The following RBMS3 variants were observed in gnomAD, a reference collection of about 807,000 sequenced individuals.
RBMS3 encodes the protein RNA-binding motif, single-stranded-interacting protein 3.
Under a neutral mutation model 66.8 loss-of-function variants are expected in RBMS3, and 27 were observed. The observed-to-expected ratio is 0.40, with a 90% confidence interval of 0.30 to 0.56. The LOEUF is 0.56. Ranked by LOEUF, RBMS3 falls within the 20% of genes least tolerant of loss-of-function variation. RBMS3 has a pLI of 0.40. For missense variants in RBMS3, 513 were observed against 549.5 expected (o/e 0.93, Z 0.66); for synonymous variants, 188 against 183.0 (o/e 1.03, Z -0.22).
At chr3:29,460,046 T>G (rs2042322148) in intron 2 of RBMS3, among the ~76,000 whole-genome samples, 2 of 152,358 alleles carry the variant, frequency 1.3e-5, no homozygotes, top group South Asian at 4.1e-4. Flanking sequence ...TTTCTTGTAA[T>G]GAATCAAAAT....
At chr3:29,753,130 A>C (rs872761) in intron 5 of RBMS3, among the ~76,000 whole-genome samples, 2 of 152,072 alleles carry the variant, frequency 1.3e-5, no homozygotes, top group South Asian at 4.1e-4. Context: ...AACTTAGCTT[A>C]TGTATTGATT....
At chr3:29,660,363 C>A (rs998570661) in intron 4 of RBMS3, among the ~76,000 whole-genome samples, 3 of 152,170 alleles carry the variant, frequency 2.0e-5, no homozygotes, top group African/African-American at 7.2e-5. Context: ...ACCACCCTTG[C>A]ACTCTTTGGG....
intron 2 of RBMS3, among the ~76,000 whole-genome samples, chr3:29,444,297 T>C (rs1340919354): frequency 6.6e-6 from 1 of 152,066 alleles, no homozygotes; most frequent in Non-Finnish European, 1.5e-5. Context: ...GAAAAACCAA[T>C]GACATGAAGA....
intron 10 of RBMS3, among the ~76,000 whole-genome samples, chr3:29,911,982 G>C (rs2060526485): frequency 1.4e-5 from 2 of 140,714 alleles, no homozygotes; most frequent in Non-Finnish European, 3.1e-5. Context: ...ATACATAATA[G>C]CTAGATAGAT....
chr3:29,908,689 T>C (rs1439538219), intron 10 of RBMS3, among the ~76,000 whole-genome samples: 3 of 152,052 alleles, frequency 2.0e-5, no homozygotes, highest in Admixed American at 6.6e-5. Flanking sequence ...TCTTATAACA[T>C]TGAGAAACTT....
chr3:29,484,418 T>G (rs986071158), intron 2 of RBMS3, among the ~76,000 whole-genome samples: 1 of 152,182 alleles, frequency 6.6e-6, no homozygotes, highest in African/African-American at 2.4e-5. Context: ...CTTCATATGG[T>G]CTTTTTGTGC....
At chr3:29,711,546 A>T (rs1279809034) in intron 4 of RBMS3, among the ~76,000 whole-genome samples, 1 of 152,104 alleles carries the variant, frequency 6.6e-6, no homozygotes, top group Non-Finnish European at 1.5e-5. Flanking sequence ...ACTTGAAGGG[A>T]CATTAGAGAC....
At chr3:29,964,380 T>A (rs1167085221) in intron 12 of RBMS3, among the ~76,000 whole-genome samples, 1 of 152,172 alleles carries the variant, frequency 6.6e-6, no homozygotes, top group Non-Finnish European at 1.5e-5. Context: ...TAGAGTGGTA[T>A]GATAGCAGAA....
At chr3:29,685,377 T>A (rs1420782275) in intron 4 of RBMS3, among the ~76,000 whole-genome samples, 1 of 152,176 alleles carries the variant, frequency 6.6e-6, no homozygotes, top group Non-Finnish European at 1.5e-5. Context: ...ACATTTTTTT[T>A]ATAGAGGGAG....
intron 5 of RBMS3, among the ~76,000 whole-genome samples, chr3:29,743,744 T>A (rs543503736): frequency 1.3e-3 from 200 of 151,326 alleles, no homozygotes; most frequent in Non-Finnish European, 2.4e-3. Context: ...TTTTTTTTTT[T>A]AAATTTTATT....
In RBMS3 at chr3:29,739,729, CA is replaced by C; in HGVS notation, c.411del (p.Asp138ThrfsTer23). ...ACTTTCCTTCCCTTAGCAACAAGAG[CA>C]AGACCCAACAAACCTATACATCTCA... ...VQAQMAKQQE[Q>X]DPTNLYISNL... On this transcript the variant is annotated frameshift_variant, in exon 5 of 15. Transcript: ENST00000383767. LOFTEE classifies it high-confidence loss of function. 1 of 1,600,922 alleles carries C rather than the reference CA, an allele frequency of 6.2e-7. No homozygotes were observed. Among genetic ancestry groups the C allele is most frequent in the Admixed American group, 1.8e-5 (1 of 56,648 alleles).
At chr3:29,573,207 G>A (rs146200800) in intron 3 of RBMS3, among the ~76,000 whole-genome samples, 5,264 of 152,058 alleles carry the variant, frequency 0.035, 110 homozygotes, top group African/African-American at 0.057. Flanking sequence ...TGCAACCTCC[G>A]CCTCCCAGGT....
chr3:29,610,633 T>C (rs868751331), intron 4 of RBMS3, among the ~76,000 whole-genome samples: 23 of 152,084 alleles, frequency 1.5e-4, no homozygotes, highest in African/African-American at 5.3e-4. Context: ...ATGCAGGAAC[T>C]GAAATAATAG....
At chr3:29,871,511 A>C (rs1056272265) in intron 7 of RBMS3, among the ~76,000 whole-genome samples, 1 of 152,168 alleles carries the variant, frequency 6.6e-6, no homozygotes, top group Admixed American at 6.6e-5. Context: ...TAAGGTTGGC[A>C]AACCAACTTT....
At chr3:29,860,259 A>G (rs2059180823) in intron 6 of RBMS3, among the ~76,000 whole-genome samples, 1 of 152,256 alleles carries the variant, frequency 6.6e-6, no homozygotes, top group South Asian at 2.1e-4. Context: ...TCTCAACATC[A>G]GGTCTAGATG....
At chr3:29,932,309 C>G (rs534083841) in intron 10 of RBMS3, among the ~76,000 whole-genome samples, 1 of 152,234 alleles carries the variant, frequency 6.6e-6, no homozygotes, top group Non-Finnish European at 1.5e-5. Context: ...AGACTGGATT[C>G]AAACAAATAA....
chr3:29,997,517 CA>C (rs1257253629), intron 14 of RBMS3, among the ~76,000 whole-genome samples: 1 of 149,822 alleles, frequency 6.7e-6, no homozygotes, highest in African/African-American at 2.5e-5. Context: ...CAAAAATCCT[CA>C]ATAAAATACT....
chr3:29,933,762 A>G (rs979999642), intron 10 of RBMS3: 1 of 152,112 alleles, frequency 6.6e-6, no homozygotes, highest in Non-Finnish European at 1.5e-5. Context: ...GCTATTTACA[A>G]TTCCAATTAA....
intron 6 of RBMS3, among the ~76,000 whole-genome samples, chr3:29,802,209 A>C (rs2057411426): frequency 6.6e-6 from 1 of 152,210 alleles, no homozygotes; most frequent in South Asian, 2.1e-4. Context: ...ATTAAGGATC[A>C]GCCCAGGAAT....
Sources: allele counts gnomAD v4.1 joint callset (sites outside exome capture counted in the v4.1 genomes callset), GRCh38; gene constraint gnomAD v4.1.1; transcripts MANE v1.5; gene names NCBI Gene and HGNC (gene_info 2026-07-23, HGNC 2026-07-21).